EPHA6: variants seen among roughly 807,000 people sequenced by gnomAD.
EPHA6 encodes EPH receptor A6, also known as ephrin type-A receptor 6.
A neutral mutation model predicts 112.0 loss-of-function variants in EPHA6; 50 were observed. That is an observed-to-expected ratio of 0.45 (90% CI 0.36 to 0.56). EPHA6 has a LOEUF of 0.56. Ranked by LOEUF, EPHA6 falls within the 20% of genes least tolerant of loss-of-function variation. The pLI, the probability that EPHA6 is intolerant of heterozygous loss-of-function variation, is 0.00. For synonymous variants in EPHA6, 529 were observed against 490.7 expected, an observed-to-expected ratio of 1.08 and a Z score of -1.03; for missense variants, 1,280 against 1,417.4, an observed-to-expected ratio of 0.90 and a Z score of 1.56.
intron 5 of EPHA6, among the ~76,000 whole-genome samples, chr3:97,360,711 AAAT>A (rs2084328417): frequency 6.6e-6 from 1 of 152,246 alleles, no homozygotes; most frequent in Non-Finnish European, 1.5e-5. Flanking sequence ...CAATTCGAGA[AAAT>A]AAGATGCATT....
At chr3:97,164,356 G>A (rs1471378769) in intron 3 of EPHA6, among the ~76,000 whole-genome samples, 1 of 152,022 alleles carries the variant, frequency 6.6e-6, no homozygotes, top group Admixed American at 6.6e-5. Context: ...GGCTAATTTG[G>A]TCATATATTC....
intron 14 of EPHA6, among the ~76,000 whole-genome samples, chr3:97,705,135 T>TGCTTACTTCTCTAGCCTAATCTCTCCCCC (rs2033608383): frequency 6.6e-6 from 1 of 152,162 alleles, no homozygotes; most frequent in Non-Finnish European, 1.5e-5. Flanking sequence ...ATCTCTCCCC[T>TGCTTACTTCTCTAGCCTAATCTCTCCCCC]GCTTACTTCT....
intron 3 of EPHA6, among the ~76,000 whole-genome samples, chr3:96,991,509 T>G (rs2043215342): frequency 6.6e-6 from 1 of 152,028 alleles, no homozygotes; most frequent in African/African-American, 2.4e-5. Context: ...TAAGAGGGAG[T>G]TTATTCACAT....
intron 5 of EPHA6, among the ~76,000 whole-genome samples, chr3:97,305,626 C>T (rs2081285172): frequency 6.6e-6 from 1 of 151,954 alleles, no homozygotes. Flanking sequence ...AACAGAAAAC[C>T]AAACACTACA....
intron 3 of EPHA6, among the ~76,000 whole-genome samples, chr3:97,015,756 T>A (rs1452558731): frequency 2.0e-5 from 3 of 152,032 alleles, no homozygotes; most frequent in Admixed American, 6.6e-5. Context: ...AAGACGCAGC[T>A]CCCCACATAT....
At chr3:97,218,717 A>T (rs996362201) in intron 3 of EPHA6, among the ~76,000 whole-genome samples, 3 of 152,072 alleles carry the variant, frequency 2.0e-5, no homozygotes, top group East Asian at 1.9e-4. Context: ...CCCAAATATC[A>T]TATCCTTTTC....
chr3:97,290,514 A>C (rs1220325726), intron 5 of EPHA6, among the ~76,000 whole-genome samples: 1 of 151,742 alleles, frequency 6.6e-6, no homozygotes, highest in Non-Finnish European at 1.5e-5. Context: ...TGGTGATCTA[A>C]CTCTGTTAGT....
chr3:97,156,315 T>C (rs1453878193), intron 3 of EPHA6, among the ~76,000 whole-genome samples: 2 of 152,172 alleles, frequency 1.3e-5, no homozygotes. Flanking sequence ...AGATTTCATA[T>C]TGAAGAATAA....
chr3:97,570,949 A>G (rs1313228282), intron 11 of EPHA6, among the ~76,000 whole-genome samples: 1 of 152,170 alleles, frequency 6.6e-6, no homozygotes, highest in Non-Finnish European at 1.5e-5. Context: ...ACCAGAATGT[A>G]GCAATAGGAA....
intron 5 of EPHA6, among the ~76,000 whole-genome samples, chr3:97,259,018 C>G (rs1301540182): frequency 6.6e-6 from 1 of 152,110 alleles, no homozygotes; most frequent in Admixed American, 6.5e-5. Context: ...GCTAGAGGCT[C>G]TACATTGTAA....
Position 97,353,384 on chromosome 3 carries a change from C to T in EPHA6, c.1607-51766C>T, listed in dbSNP as rs556604708. 1.1e-4 allele frequency among the ~76,000 whole-genome samples: 16 copies of T among 151,980 alleles called. No individual in the cohort carries two copies. The South Asian group carries it at 2.9e-3, about 28-fold the overall frequency. On this transcript the variant is annotated intron_variant, in intron 5 of 17. Transcript: ENST00000389672. Reference sequence around the variant, plus strand: ...TTCTGCATCTGCCCTGCACCAGAGCCCCCTGCTGCCATGAAGAGACATAAC... The same window carrying T: ...TTCTGCATCTGCCCTGCACCAGAGCTCCCTGCTGCCATGAAGAGACATAAC...
intron 3 of EPHA6, among the ~76,000 whole-genome samples, chr3:97,036,582 TCCCTTTGTATACACAAA>T: frequency 6.6e-6 from 1 of 151,942 alleles, no homozygotes; most frequent in Non-Finnish European, 1.5e-5. Context: ...TCTATTTGAG[TCCCTTTGTATACACAAA>T]GAAGGATTCA....
At chr3:97,322,500 G>A (rs1431134586) in intron 5 of EPHA6, among the ~76,000 whole-genome samples, 3 of 151,912 alleles carry the variant, frequency 2.0e-5, no homozygotes, top group Non-Finnish European at 2.9e-5. Flanking sequence ...TGGCAAATAA[G>A]AAACTATGAT....
intron 14 of EPHA6, among the ~76,000 whole-genome samples, chr3:97,691,710 G>T (rs2032677813): frequency 6.6e-6 from 1 of 152,092 alleles, no homozygotes; most frequent in African/African-American, 2.4e-5. Flanking sequence ...AATTCATATA[G>T]CAACTTATTT....
At chr3:97,727,602 AATG>A (rs558134492) in intron 15 of EPHA6, among the ~76,000 whole-genome samples, 50 of 152,148 alleles carry the variant, frequency 3.3e-4, no homozygotes, top group South Asian at 8.3e-4. Context: ...GTCCTTGTGT[AATG>A]ATCTGTGTAA....
At chr3:97,368,150 A>G (rs2108967115) in intron 5 of EPHA6, among the ~76,000 whole-genome samples, 1 of 152,308 alleles carries the variant, frequency 6.6e-6, no homozygotes, top group African/African-American at 2.4e-5. Context: ...AAAGAATTGA[A>G]TGCCAGAAAC....
intron 14 of EPHA6, among the ~76,000 whole-genome samples, chr3:97,663,555 A>G (rs1209812503): frequency 1.4e-5 from 2 of 140,696 alleles, no homozygotes; most frequent in Admixed American, 1.6e-4. Flanking sequence ...TCATTGTTCA[A>G]TTCCTGCCTA....
At chr3:97,640,580 G>A (rs747641255) in intron 14 of EPHA6, among the ~76,000 whole-genome samples, 32 of 150,694 alleles carry the variant, frequency 2.1e-4, no homozygotes, top group East Asian at 9.8e-4. Context: ...AGACCAGCCC[G>A]ACCAATATGG....
intron 5 of EPHA6, among the ~76,000 whole-genome samples, chr3:97,253,438 ATACTTTTATGC>A (rs2079202347): frequency 6.6e-6 from 1 of 152,194 alleles, no homozygotes; most frequent in African/African-American, 2.4e-5. Flanking sequence ...TCAGTTATCG[ATACTTTTATGC>A]TCTGCTATAT....
Sources: allele counts gnomAD v4.1 joint callset (sites outside exome capture counted in the v4.1 genomes callset), GRCh38; gene constraint gnomAD v4.1.1; transcripts MANE v1.5; gene names NCBI Gene and HGNC (gene_info 2026-07-23, HGNC 2026-07-21).